The following CTNNA2 variants were observed in gnomAD, a reference collection of about 807,000 sequenced individuals.
CTNNA2 encodes catenin alpha 2, also known as catenin alpha-2.
Under a neutral mutation model 101.0 loss-of-function variants are expected in CTNNA2, and 42 were observed. The ratio of observed to expected loss-of-function variants is 0.42; its 90% CI spans 0.32 to 0.54. CTNNA2 has a LOEUF of 0.54. CTNNA2 is among the 20% of genes least tolerant of loss of function. CTNNA2 has a pLI of 0.14. For missense variants in CTNNA2, 871 were observed against 1,223.1 expected (o/e 0.71, Z 4.29); for synonymous variants, 450 against 456.4 (o/e 0.99, Z 0.18).
At chr2:79,287,098 C>T (rs1166590367) in intron 2 of CTNNA2, among the ~76,000 whole-genome samples, 2 of 152,204 alleles carry the variant, frequency 1.3e-5, no homozygotes, top group African/African-American at 4.8e-5. Flanking sequence ...CCTTGGTTTT[C>T]AGCTCCATCA....
At chr2:80,516,060 C>G (rs777868747) in intron 9 of CTNNA2, among the ~76,000 whole-genome samples, 2 of 152,272 alleles carry the variant, frequency 1.3e-5, no homozygotes, top group South Asian at 4.1e-4. Context: ...CTTCTCATTA[C>G]GGACAACAGT....
chr2:79,262,482 C>G (rs1417008946), intron 2 of CTNNA2, among the ~76,000 whole-genome samples: 2 of 151,158 alleles, frequency 1.3e-5, no homozygotes, highest in African/African-American at 4.9e-5. Context: ...AATCAAGAGC[C>G]AAAAGTTATT....
intron 2 of CTNNA2, among the ~76,000 whole-genome samples, chr2:79,255,151 T>A (rs1233259787): frequency 6.6e-6 from 1 of 152,170 alleles, no homozygotes; most frequent in Non-Finnish European, 1.5e-5. Context: ...CCCAGGTAAT[T>A]TTAAGTAGAA....
chr2:80,241,427 G>A lies in CTNNA2; in HGVS notation c.1057-151784G>A, dbSNP rs985306941. On this transcript the variant is annotated intron_variant, in intron 7 of 18. Transcript: ENST00000402739. ...ATTCTATTACTTTAAAGCATTTTAG[G>A]AACATTTCTGTTTTATAAATTAAGA... Among the ~76,000 whole-genome samples, 56 of 151,548 alleles carry A rather than the reference G, an allele frequency of 3.7e-4. 1 individual carries two copies. The highest frequency in any genetic ancestry group is 1.3e-4 in the Non-Finnish European group (9 of 67,894).
chr2:80,322,437 C>G (rs1222959200), intron 7 of CTNNA2, among the ~76,000 whole-genome samples: 1 of 152,194 alleles, frequency 6.6e-6, no homozygotes, highest in Admixed American at 6.5e-5. Flanking sequence ...TTACCATTGT[C>G]ATAGTAACAC....
At chr2:79,968,887 C>T (rs1352093264) in intron 7 of CTNNA2, among the ~76,000 whole-genome samples, 3 of 151,708 alleles carry the variant, frequency 2.0e-5, no homozygotes, top group Non-Finnish European at 4.4e-5. Flanking sequence ...GATTTCATTA[C>T]TGATCTTCCA....
At chr2:79,290,744 C>G (rs912756033) in intron 2 of CTNNA2, among the ~76,000 whole-genome samples, 5 of 152,188 alleles carry the variant, frequency 3.3e-5, no homozygotes, top group Admixed American at 6.5e-5. Context: ...CCCACTCCAT[C>G]TCCCTTCCGG....
intron 1 of CTNNA2, among the ~76,000 whole-genome samples, chr2:79,518,846 C>T (rs779065682): frequency 1.1e-4 from 17 of 151,928 alleles, no homozygotes; most frequent in Non-Finnish European, 1.9e-4. Context: ...TTTCTTCAGG[C>T]GTTGATAATT....
intron 18 of CTNNA2, among the ~76,000 whole-genome samples, chr2:80,625,855 T>TC (rs1671630896): frequency 1.3e-5 from 2 of 152,058 alleles, no homozygotes; most frequent in African/African-American, 4.8e-5. Flanking sequence ...GGGCCAAAAA[T>TC]CAAGTAATTA....
intron 7 of CTNNA2, among the ~76,000 whole-genome samples, chr2:79,951,940 G>T (rs1688913279): frequency 6.6e-6 from 1 of 152,076 alleles, no homozygotes; most frequent in African/African-American, 2.4e-5. Context: ...CACTTCCCCA[G>T]TTAAGTCTGT....
chr2:79,271,675 T>C (rs889179938), intron 2 of CTNNA2, among the ~76,000 whole-genome samples: 21 of 151,974 alleles, frequency 1.4e-4, no homozygotes, highest in African/African-American at 5.1e-4. Flanking sequence ...TGTTCCCCTC[T>C]CTACTTTTAC....
Position 79,968,555 on chromosome 2 carries a change from C to T in CTNNA2, c.1056+58758C>T, listed in dbSNP as rs960492702. ...GGAGATTAAGAGGCTGAGAGTTATT[C>T]CAGCATTTTGGGAGGCCAAGTCAGG... On this transcript the variant is annotated intron_variant, in intron 7 of 18. Transcript: ENST00000402739. Among the ~76,000 whole-genome samples the T allele has an allele frequency of 2.0e-5, 3 of 152,138 alleles. No homozygotes were observed. In the East Asian group the frequency reaches 5.8e-4, roughly 29 times the overall value.
chr2:80,632,147 A>G (rs1228345032), intron 18 of CTNNA2, among the ~76,000 whole-genome samples: 1 of 152,074 alleles, frequency 6.6e-6, no homozygotes, highest in African/African-American at 2.4e-5. Flanking sequence ...TGTACAGCGA[A>G]TCCCAGCATG....
At chr2:80,185,192 G>T (rs1706041641) in intron 7 of CTNNA2, among the ~76,000 whole-genome samples, 1 of 152,232 alleles carries the variant, frequency 6.6e-6, no homozygotes, top group African/African-American at 2.4e-5. Flanking sequence ...GTGGTTATTG[G>T]CAGGATTTTG....
chr2:79,640,084 A>G (rs1294107056), intron 1 of CTNNA2, among the ~76,000 whole-genome samples: 1 of 151,904 alleles, frequency 6.6e-6, no homozygotes, highest in Non-Finnish European at 1.5e-5. Context: ...TCCTGAATGC[A>G]TTAGAAGGCA....
chr2:80,306,379 CTTTT>C (rs1334532937), intron 7 of CTNNA2, among the ~76,000 whole-genome samples: 3 of 127,366 alleles, frequency 2.4e-5, no homozygotes, highest in Admixed American at 7.6e-5. Flanking sequence ...TTCTTTCTTT[CTTTT>C]CTTTTCTTTT....
chr2:80,462,083 A>G lies in CTNNA2; in HGVS notation c.1290+42482A>G, dbSNP rs548232089. Among the ~76,000 whole-genome samples, 180 of 152,344 alleles carry G rather than the reference A, an allele frequency of 1.2e-3. 2 individuals are homozygous for G. Among genetic ancestry groups the G allele is most frequent in the African/African-American group, 4.0e-3 (165 of 41,578 alleles). ...ACAGTGCCTTGGGCCTTGCCTTAGAAGTCTAGGGAATGAACACTTTTAATT... is the reference window on the plus strand; with the variant it reads ...ACAGTGCCTTGGGCCTTGCCTTAGAGGTCTAGGGAATGAACACTTTTAATT... On this transcript the variant is annotated intron_variant, in intron 9 of 18. Transcript: ENST00000402739.
Position 80,051,976 on chromosome 2 carries a change from A to G in CTNNA2, c.1056+142179A>G, listed in dbSNP as rs568658820. ...TTTCCCCTAAACAAAACTGTGTTCA[A>G]CTAATTCTATTTCTAAGACAAGTGG... On this transcript the variant is annotated intron_variant, in intron 7 of 18. Coordinates refer to ENST00000402739, the MANE Select transcript of CTNNA2 (RefSeq NM_001282597.3). 2.6e-5 allele frequency among the ~76,000 whole-genome samples: 4 copies of G among 152,284 alleles called. No individual in the cohort carries two copies. In the South Asian group the frequency reaches 8.3e-4, roughly 32 times the overall value.
chr2:79,809,791 A>G (rs2105331203), intron 3 of CTNNA2, among the ~76,000 whole-genome samples: 1 of 152,282 alleles, frequency 6.6e-6, no homozygotes, highest in Non-Finnish European at 1.5e-5. Context: ...TAGTTTAATT[A>G]GATCCCGTTT....
Sources: gnomAD v4.1 joint callset for allele counts (sites outside exome capture counted in the v4.1 genomes callset) on GRCh38, gnomAD v4.1.1 for gene constraint, MANE v1.5 for transcripts, NCBI Gene and HGNC (gene_info 2026-07-23, HGNC 2026-07-21) for gene names.